Variants in CAMK2D observed in about 807,000 individuals in gnomAD.
CAMK2D encodes the protein calcium/calmodulin-dependent protein kinase type II subunit delta.
Under a neutral mutation model 84.0 loss-of-function variants are expected in CAMK2D, and 37 were observed. The observed-to-expected ratio is 0.44, with a 90% CI of 0.34 to 0.58. CAMK2D has a LOEUF of 0.58. Ranked by LOEUF, CAMK2D falls within the 20% of genes least tolerant of loss-of-function variation. The probability of loss-of-function intolerance (pLI) is 0.02; values close to 1 mark genes in which losing one functional copy is unlikely to be tolerated. For synonymous variants in CAMK2D, 202 were observed against 212.5 expected, an observed-to-expected ratio of 0.95 and a Z score of 0.43; for missense variants, 448 against 652.5, an observed-to-expected ratio of 0.69 and a Z score of 3.41.
intron 2 of CAMK2D, among the ~76,000 whole-genome samples, chr4:113,713,810 A>T (rs375800928): frequency 6.6e-6 from 1 of 150,628 alleles, no homozygotes; most frequent in East Asian, 1.9e-4. Context: ...CACATGTGAT[A>T]TTTTTTTTCT....
At chr4:113,466,076 A>G (rs1047288642) in intron 16 of CAMK2D, among the ~76,000 whole-genome samples, 1 of 151,586 alleles carries the variant, frequency 6.6e-6, no homozygotes, top group Non-Finnish European at 1.5e-5. Context: ...ACACGGAGAA[A>G]CTTCATCTCT....
At chr4:113,589,506 T>C (rs1018733944) in intron 4 of CAMK2D, among the ~76,000 whole-genome samples, 4 of 152,088 alleles carry the variant, frequency 2.6e-5, no homozygotes, top group Non-Finnish European at 5.9e-5. Context: ...GTATTTTGAA[T>C]CTAATAGGAG....
chr4:113,669,032 A>T (rs1173496914), intron 2 of CAMK2D, among the ~76,000 whole-genome samples: 1 of 152,158 alleles, frequency 6.6e-6, no homozygotes, highest in East Asian at 1.9e-4. Flanking sequence ...GTTGTCCTAC[A>T]GAAGAAATTA....
intron 4 of CAMK2D, among the ~76,000 whole-genome samples, chr4:113,604,626 A>G (rs1406152750): frequency 6.6e-6 from 1 of 152,222 alleles, no homozygotes; most frequent in Non-Finnish European, 1.5e-5. Flanking sequence ...TATGGTTTGT[A>G]TGTAAACTTT....
intron 13 of CAMK2D, among the ~76,000 whole-genome samples, chr4:113,506,890 T>C (rs565967189): frequency 2.7e-5 from 4 of 148,582 alleles, no homozygotes; most frequent in East Asian, 1.9e-4. Flanking sequence ...AGTGCACATG[T>C]TCCCCCCCCC....
intron 6 of CAMK2D, among the ~76,000 whole-genome samples, chr4:113,542,361 G>A (rs1456195900): frequency 6.6e-6 from 1 of 152,114 alleles, no homozygotes; most frequent in Non-Finnish European, 1.5e-5. Flanking sequence ...TAATACTTGT[G>A]ATTTTATAAT....
At chr4:113,568,701 T>G (rs553499168) in intron 4 of CAMK2D, among the ~76,000 whole-genome samples, 1 of 152,226 alleles carries the variant, frequency 6.6e-6, no homozygotes, top group African/African-American at 2.4e-5. Flanking sequence ...GCAACCTACA[T>G]GAGTTCCAAC....
intron 4 of CAMK2D, among the ~76,000 whole-genome samples, chr4:113,558,623 T>C (rs1284356521): frequency 6.6e-6 from 1 of 152,158 alleles, no homozygotes; most frequent in Non-Finnish European, 1.5e-5. Flanking sequence ...CAATCTTCTG[T>C]GGATAGTGAG....
intron 16 of CAMK2D, among the ~76,000 whole-genome samples, chr4:113,484,560 T>C (rs2097745764): frequency 6.6e-6 from 1 of 152,184 alleles, no homozygotes; most frequent in Non-Finnish European, 1.5e-5. Context: ...TAAAACATAG[T>C]GGTAAAATGT....
intron 17 of CAMK2D, among the ~76,000 whole-genome samples, chr4:113,462,339 T>C (rs2097396758): frequency 1.4e-5 from 2 of 141,804 alleles, no homozygotes; most frequent in Non-Finnish European, 3.2e-5. Context: ...TGTCTGTCTG[T>C]CTATCTATCT....
intron 7 of CAMK2D, 61 bp downstream of exon 7, chr4:113,537,280 A>T (rs1485550724): frequency 1.2e-6 from 1 of 814,478 alleles, no homozygotes; most frequent in Non-Finnish European, 2.0e-6. Context: ...AAGTGGGATT[A>T]GGAGCCAGAA....
chr4:113,670,450 T>C (rs1014007753), intron 2 of CAMK2D, among the ~76,000 whole-genome samples: 9 of 103,018 alleles, frequency 8.7e-5, no homozygotes, highest in Non-Finnish European at 2.1e-4. Flanking sequence ...TATATCTTTA[T>C]TTTAATTGTA....
intron 2 of CAMK2D, among the ~76,000 whole-genome samples, chr4:113,683,109 A>T (rs1480062445): frequency 1.3e-5 from 2 of 152,244 alleles, no homozygotes; most frequent in Non-Finnish European, 2.9e-5. Context: ...AAATCTAAGG[A>T]GCAAAATATT....
At position 113,661,778 on chromosome 4, in the gene CAMK2D, A is replaced by T. The variant is rs2099233361; in HGVS notation, c.161-6T>A. 9 of 997,618 alleles carry T rather than the reference A, an allele frequency of 9.0e-6. No homozygotes were observed. The highest frequency in any genetic ancestry group is 1.2e-5 in the Non-Finnish European group (9 of 729,642). 61.8% of individuals were successfully genotyped at this position (997,618 alleles called of 1,614,324 possible). On this transcript the variant is annotated splice_region_variant and splice_polypyrimidine_tract_variant and intron_variant, in intron 2 of 20. Coordinates refer to ENST00000511664, the MANE Select transcript of CAMK2D (RefSeq NM_001321571.2). ...TCTTTCTAGTTTCTGATGATCTGTTAAAAAAAAAAACAGAATAAGGCAAAA... is the reference window on the plus strand; with the variant it reads ...TCTTTCTAGTTTCTGATGATCTGTTTAAAAAAAAAACAGAATAAGGCAAAA...
intron 4 of CAMK2D, among the ~76,000 whole-genome samples, chr4:113,599,637 A>G (rs926604031): frequency 2.6e-5 from 4 of 152,202 alleles, no homozygotes; most frequent in African/African-American, 9.6e-5. Flanking sequence ...TTGATTCCCC[A>G]CAAATTTAAC....
intron 3 of CAMK2D, among the ~76,000 whole-genome samples, chr4:113,647,905 C>A (rs1260341701): frequency 6.6e-6 from 1 of 152,116 alleles, no homozygotes; most frequent in Non-Finnish European, 1.5e-5. Context: ...ATTTGAAAAC[C>A]ATGTTTTATC....
intron 8 of CAMK2D, among the ~76,000 whole-genome samples, chr4:113,528,356 G>T (rs990605059): frequency 6.6e-6 from 1 of 152,114 alleles, no homozygotes; most frequent in Non-Finnish European, 1.5e-5. Context: ...TAAAGAATTT[G>T]TGCCATGTCA....
intron 2 of CAMK2D, among the ~76,000 whole-genome samples, chr4:113,689,218 C>T (rs1239114836): frequency 6.6e-6 from 1 of 152,080 alleles, no homozygotes; most frequent in African/African-American, 2.4e-5. Context: ...TGCACTCCAG[C>T]CTGGCAACAG....
At chr4:113,720,366 TCACA>T (rs70961845) in intron 2 of CAMK2D, among the ~76,000 whole-genome samples, 3,195 of 148,648 alleles carry the variant, frequency 0.021, 90 homozygotes, top group East Asian at 0.15. Context: ...AATCACATTC[TCACA>T]CACACACACA....
Sources: gnomAD v4.1 joint callset for allele counts (sites outside exome capture counted in the v4.1 genomes callset) on GRCh38, gnomAD v4.1.1 for gene constraint, MANE v1.5 for transcripts, NCBI Gene and HGNC (gene_info 2026-07-23, HGNC 2026-07-21) for gene names.